The following CADM2 variants were observed in gnomAD, a reference collection of about 807,000 sequenced individuals.
The protein encoded by CADM2 is cell adhesion molecule 2, also known as immunoglobulin superfamily member 4D.
A neutral mutation model predicts 49.8 loss-of-function variants in CADM2; 12 were observed. That is an observed-to-expected ratio of 0.24 (90% CI 0.15 to 0.39). The LOEUF (loss-of-function observed/expected upper bound fraction) is 0.39, where lower values mean the gene tolerates loss of function less well. Ranked by LOEUF, CADM2 falls within the 10% of genes least tolerant of loss-of-function variation. The pLI is 1.00. For missense variants in CADM2, 378 were observed against 492.3 expected (o/e 0.77, Z 2.20); for synonymous variants, 214 against 175.4 (o/e 1.22, Z -1.74).
chr3:86,038,304 A>G (rs986810450), intron 8 of CADM2, among the ~76,000 whole-genome samples: 4 of 152,222 alleles, frequency 2.6e-5, no homozygotes, highest in South Asian at 2.1e-4. Context: ...AACTCAGAAA[A>G]TAAAGAGCTT....
At chr3:85,090,798 T>G (rs1251200357) in intron 1 of CADM2, among the ~76,000 whole-genome samples, 2 of 152,146 alleles carry the variant, frequency 1.3e-5, no homozygotes, top group Admixed American at 6.6e-5. Context: ...ATGCGAGGGC[T>G]CTAGGTTGTC....
chr3:85,783,698 T>C (rs2070796729), intron 2 of CADM2, among the ~76,000 whole-genome samples: 1 of 152,216 alleles, frequency 6.6e-6, no homozygotes, highest in Non-Finnish European at 1.5e-5. Flanking sequence ...TTATAAATTA[T>C]GAGTTTGGTA....
In CADM2 at chr3:85,107,251, C is replaced by T. The variant is rs116123769; in HGVS notation, c.61+147583C>T. Among the ~76,000 whole-genome samples the T allele has an allele frequency of 5.7e-3, 865 of 151,990 alleles. 5 individuals carry two copies. The highest frequency in any genetic ancestry group is 0.018 in the African/African-American group (766 of 41,438). ...AAAGTTGAAAAAGTTTTGCAAAAAA[C>T]GGGAACAGAATATATATGGATATTT... On this transcript the variant is annotated intron_variant, in intron 1 of 9. Coordinates refer to ENST00000383699, the MANE Select transcript of CADM2 (RefSeq NM_001167675.2).
intron 1 of CADM2, among the ~76,000 whole-genome samples, chr3:84,989,958 C>T (rs1025709323): frequency 4.6e-5 from 7 of 151,712 alleles, no homozygotes; most frequent in African/African-American, 1.7e-4. Context: ...AAACTTATAA[C>T]TTTGAAGAAA....
intron 1 of CADM2, among the ~76,000 whole-genome samples, chr3:85,023,193 A>G (rs750030089): frequency 1.3e-5 from 2 of 152,098 alleles, no homozygotes; most frequent in African/African-American, 2.4e-5. Flanking sequence ...GATTTTACTT[A>G]TACTTAGTTT....
chr3:85,062,527 T>G (rs2107448447), intron 1 of CADM2, among the ~76,000 whole-genome samples: 1 of 152,018 alleles, frequency 6.6e-6, no homozygotes, highest in South Asian at 2.1e-4. Flanking sequence ...AACCAAATAA[T>G]AATTTCCAAT....
chr3:85,867,846 T>A (rs2075781845), intron 3 of CADM2, among the ~76,000 whole-genome samples: 1 of 152,058 alleles, frequency 6.6e-6, no homozygotes, highest in South Asian at 2.1e-4. Flanking sequence ...AATCACCACT[T>A]CCTTTTCCTT....
chr3:85,890,076 C>T (rs1450513785), intron 5 of CADM2, among the ~76,000 whole-genome samples: 2 of 151,986 alleles, frequency 1.3e-5, no homozygotes, highest in Non-Finnish European at 2.9e-5. Context: ...AGATTGAGGA[C>T]GTGCCCAAGA....
At chr3:85,394,824 C>G (rs72905474) in intron 1 of CADM2, among the ~76,000 whole-genome samples, 5,914 of 152,078 alleles carry the variant, frequency 0.039, 389 homozygotes, top group African/African-American at 0.13. Flanking sequence ...TTTCTCATCC[C>G]TGTTTCTGCT....
At chr3:85,072,702 TC>T (rs2036801543) in intron 1 of CADM2, among the ~76,000 whole-genome samples, 1 of 152,080 alleles carries the variant, frequency 6.6e-6, no homozygotes, top group Non-Finnish European at 1.5e-5. Context: ...CCATCTACCG[TC>T]TTTTCTTTGT....
chr3:86,019,952 C>T (rs1352615446), intron 8 of CADM2, among the ~76,000 whole-genome samples: 1 of 152,062 alleles, frequency 6.6e-6, no homozygotes, highest in Admixed American at 6.6e-5. Context: ...AGAGCAAACA[C>T]ATTCAAAAGC....
intron 2 of CADM2, among the ~76,000 whole-genome samples, chr3:85,795,449 T>G (rs1037073738): frequency 6.6e-6 from 1 of 152,166 alleles, no homozygotes; most frequent in Non-Finnish European, 1.5e-5. Flanking sequence ...TGGGAAAAAC[T>G]AAGTTATTTG....
intron 3 of CADM2, among the ~76,000 whole-genome samples, chr3:85,875,104 G>A (rs9863493): frequency 0.039 from 5,913 of 152,184 alleles, 368 homozygotes; most frequent in African/African-American, 0.13. Flanking sequence ...TACCAAATAG[G>A]AGCTCTGGAG....
At chr3:85,406,007 A>G (rs2035358227) in intron 1 of CADM2, among the ~76,000 whole-genome samples, 1 of 151,992 alleles carries the variant, frequency 6.6e-6, no homozygotes, top group African/African-American at 2.4e-5. Flanking sequence ...AAATATATAA[A>G]GCATTATATA....
chr3:85,551,392 T>C (rs1368611254), intron 1 of CADM2, among the ~76,000 whole-genome samples: 4 of 152,146 alleles, frequency 2.6e-5, no homozygotes, highest in Admixed American at 2.6e-4. Context: ...GTTGCACTTT[T>C]ATAATTACTA....
At chr3:85,973,322 A>G (rs1726381174) in intron 8 of CADM2, among the ~76,000 whole-genome samples, 1 of 151,664 alleles carries the variant, frequency 6.6e-6, no homozygotes, top group African/African-American at 2.4e-5. Context: ...CACCATGGCC[A>G]TGCCTGTGGA....
At chr3:85,637,490 T>A (rs2064535596) in intron 1 of CADM2, among the ~76,000 whole-genome samples, 1 of 148,374 alleles carries the variant, frequency 6.7e-6, no homozygotes, top group Admixed American at 6.7e-5. Flanking sequence ...TAGTCCCAGC[T>A]ACTCGGGAGG....
At chr3:86,064,504 C>T (rs990566482) in intron 8 of CADM2, among the ~76,000 whole-genome samples, 5 of 152,012 alleles carry the variant, frequency 3.3e-5, no homozygotes, top group African/African-American at 4.8e-5. Context: ...CGAGTAGTGC[C>T]GCAATAAACA....
At chr3:85,355,700 G>A (rs2031800427) in intron 1 of CADM2, among the ~76,000 whole-genome samples, 2 of 152,082 alleles carry the variant, frequency 1.3e-5, no homozygotes, top group African/African-American at 4.8e-5. Context: ...GGTGGCTTTG[G>A]AGGATAGCTG....
Sources: allele counts gnomAD v4.1 joint callset (sites outside exome capture counted in the v4.1 genomes callset), GRCh38; gene constraint gnomAD v4.1.1; transcripts MANE v1.5; gene names NCBI Gene and HGNC (gene_info 2026-07-23, HGNC 2026-07-21).